Variants in MACROD2 observed in about 807,000 individuals in gnomAD.
MACROD2 encodes the protein ADP-ribose glycohydrolase MACROD2.
Under a neutral mutation model 70.4 loss-of-function variants are expected in MACROD2, and 36 were observed. That is an observed-to-expected ratio of 0.51 (90% CI 0.39 to 0.68). The LOEUF (loss-of-function observed/expected upper bound fraction) is 0.68. Among genes scored for constraint, MACROD2 ranks in the 30% least tolerant of loss-of-function variants. The probability of loss-of-function intolerance (pLI) is 0.00; values close to 1 mark genes in which losing one functional copy is unlikely to be tolerated. For missense variants in MACROD2, 496 were observed against 538.4 expected (o/e 0.92, Z 0.78); for synonymous variants, 172 against 178.8 (o/e 0.96, Z 0.30).
chr20:14,936,049 C>T (rs2074337871), intron 5 of MACROD2, among the ~76,000 whole-genome samples: 2 of 152,036 alleles, frequency 1.3e-5, no homozygotes, highest in Admixed American at 6.6e-5. Context: ...AGGTCTTTGC[C>T]CTCTTGTGCT....
At chr20:14,426,060 T>C (rs2083929191) in intron 3 of MACROD2, among the ~76,000 whole-genome samples, 1 of 152,172 alleles carries the variant, frequency 6.6e-6, no homozygotes. Flanking sequence ...TGCTTTGATG[T>C]GGGTTTATTT....
At chr20:16,036,061 G>T (rs1180462893) in intron 15 of MACROD2, among the ~76,000 whole-genome samples, 1 of 151,958 alleles carries the variant, frequency 6.6e-6, no homozygotes, top group Non-Finnish European at 1.5e-5. Flanking sequence ...AGTGAAGTTG[G>T]AACATAGGTA....
chr20:14,936,846 A>C (rs2122694433), intron 5 of MACROD2, among the ~76,000 whole-genome samples: 1 of 152,272 alleles, frequency 6.6e-6, no homozygotes, highest in Non-Finnish European at 1.5e-5. Flanking sequence ...AGCCAGAGAA[A>C]CCATGCTCTT....
At chr20:14,368,534 C>G (rs960339656) in intron 3 of MACROD2, among the ~76,000 whole-genome samples, 52 of 151,114 alleles carry the variant, frequency 3.4e-4, no homozygotes, top group Non-Finnish European at 6.8e-4. Flanking sequence ...CAGAGCGAGA[C>G]TCTGTCTCAA....
chr20:15,819,727 TATTC>T (rs1600944745), intron 8 of MACROD2, among the ~76,000 whole-genome samples: 1 of 151,848 alleles, frequency 6.6e-6, no homozygotes, highest in Non-Finnish European at 1.5e-5. Flanking sequence ...AAAGTTCAGA[TATTC>T]AGAGAGAGAT....
intron 4 of MACROD2, among the ~76,000 whole-genome samples, chr20:14,587,738 TA>T (rs11476462): frequency 0.64 from 96,993 of 151,632 alleles, 32,674 homozygotes; most frequent in East Asian, 0.93. Flanking sequence ...TCCCTGCATT[TA>T]AAAAAAATAA....
intron 3 of MACROD2, among the ~76,000 whole-genome samples, chr20:14,171,681 TA>T (rs2081221968): frequency 6.6e-6 from 1 of 152,236 alleles, no homozygotes; most frequent in African/African-American, 2.4e-5. Context: ...TTTCCAACTT[TA>T]TTCCACTGTG....
chr20:14,231,135 T>C (rs2081807893), intron 3 of MACROD2, among the ~76,000 whole-genome samples: 1 of 151,978 alleles, frequency 6.6e-6, no homozygotes, highest in Middle Eastern at 3.4e-3. Context: ...ATTCTTTTTT[T>C]TTCTTTTTTT....
chr20:14,402,097 A>T (rs968504665), intron 3 of MACROD2, among the ~76,000 whole-genome samples: 2 of 152,178 alleles, frequency 1.3e-5, no homozygotes, highest in Admixed American at 6.5e-5. Flanking sequence ...CAGCTATTAT[A>T]GTTCAATTAT....
At chr20:15,519,110 CCTTCCTTCCTTT>C (rs757896864) in intron 8 of MACROD2, among the ~76,000 whole-genome samples, 1,895 of 131,666 alleles carry the variant, frequency 0.014, 6 homozygotes, top group Non-Finnish European at 0.019. Context: ...TTCCTTCCTT[CCTTCCTTCCTTT>C]CTTTCTTTCT....
intron 7 of MACROD2, among the ~76,000 whole-genome samples, chr20:15,436,706 A>T (rs1453788735): frequency 7.4e-6 from 1 of 134,452 alleles, no homozygotes; most frequent in African/African-American, 3.0e-5. Flanking sequence ...CATTAACCAG[A>T]TAAGTTTTCT....
intron 3 of MACROD2, among the ~76,000 whole-genome samples, chr20:14,261,080 G>T (rs1321101798): frequency 1.3e-5 from 2 of 152,292 alleles, no homozygotes; most frequent in East Asian, 3.9e-4. Flanking sequence ...GATGTTAAAA[G>T]AAAATTTGGA....
Position 14,413,785 on chromosome 20 carries a change from GCTGCTTTTTTTTTC to G in MACROD2, c.272-79676_272-79663del, listed in dbSNP as rs770912741. 2.8e-3 allele frequency among the ~76,000 whole-genome samples: 421 copies of G among 152,136 alleles called. 4 individuals are homozygous for G. The highest frequency in any genetic ancestry group is 3.5e-3 in the Non-Finnish European group (237 of 67,990). Reference sequence around the variant, plus strand: ...CATGTACCATGTGATGAAAACTTTTGCTGCTTTTTTTTTCCTGCTTTTTTTTTCCTGTTGAAATT... The same window carrying G: ...CATGTACCATGTGATGAAAACTTTTGCTGCTTTTTTTTTCCTGTTGAAATT... On this transcript the variant is annotated intron_variant, in intron 3 of 17. Transcript: ENST00000684519.
chr20:15,045,434 T>A (rs959870796), intron 5 of MACROD2, among the ~76,000 whole-genome samples: 1 of 152,124 alleles, frequency 6.6e-6, no homozygotes, highest in Non-Finnish European at 1.5e-5. Flanking sequence ...GGCAGCACAT[T>A]TGAGGCCCGG....
chr20:15,724,941 G>C (rs1362682697), intron 8 of MACROD2, among the ~76,000 whole-genome samples: 1 of 152,092 alleles, frequency 6.6e-6, no homozygotes, highest in Non-Finnish European at 1.5e-5. Flanking sequence ...AATTAGCCGG[G>C]TATGGTGGCA....
intron 6 of MACROD2, among the ~76,000 whole-genome samples, chr20:15,267,845 G>T (rs1453198509): frequency 2.0e-5 from 3 of 152,184 alleles, no homozygotes; most frequent in African/African-American, 7.2e-5. Flanking sequence ...GGGTGGACCT[G>T]GGATTCAATC....
chr20:14,010,069 C>T (rs937531265), intron 2 of MACROD2, among the ~76,000 whole-genome samples: 3 of 152,012 alleles, frequency 2.0e-5, no homozygotes, highest in Non-Finnish European at 4.4e-5. Flanking sequence ...CTGGCCACTA[C>T]GGCACACGTT....
intron 7 of MACROD2, among the ~76,000 whole-genome samples, chr20:15,446,842 G>A (rs1319718546): frequency 2.6e-5 from 4 of 152,098 alleles, no homozygotes; most frequent in African/African-American, 9.7e-5. Flanking sequence ...CACAGTTGCT[G>A]TTTTCCCATG....
At chr20:14,984,654 G>A (rs542806517) in intron 5 of MACROD2, among the ~76,000 whole-genome samples, 1 of 152,314 alleles carries the variant, frequency 6.6e-6, no homozygotes, top group South Asian at 2.1e-4. Flanking sequence ...TGATGGATTT[G>A]AAGGAAAGTA....
Sources: allele counts gnomAD v4.1 joint callset (sites outside exome capture counted in the v4.1 genomes callset), GRCh38; gene constraint gnomAD v4.1.1; transcripts MANE v1.5; gene names NCBI Gene and HGNC (gene_info 2026-07-23, HGNC 2026-07-21).